The following GLYATL1 variants were observed in gnomAD, a reference collection of about 807,000 sequenced individuals.
The protein encoded by GLYATL1 is glycine-N-acyltransferase like 1.
A neutral mutation model predicts 20.0 loss-of-function variants in GLYATL1; 15 were observed. That is an observed-to-expected ratio of 0.75 (90% CI 0.50 to 1.15). The LOEUF (loss-of-function observed/expected upper bound fraction) is 1.15, where lower values mean the gene tolerates loss of function less well. GLYATL1 is among the 50% of genes most tolerant of loss of function. The pLI is 0.00. For synonymous variants in GLYATL1, 151 were observed against 131.5 expected, an observed-to-expected ratio of 1.15 and a Z score of -1.01; for missense variants, 380 against 368.5, an observed-to-expected ratio of 1.03 and a Z score of -0.26.
intron 1 of GLYATL1, among the ~76,000 whole-genome samples, chr11:58,919,142 T>G (rs1005286447): frequency 6.6e-6 from 1 of 152,258 alleles, no homozygotes; most frequent in Non-Finnish European, 1.5e-5. Flanking sequence ...CATTCTTTCC[T>G]GCACCCAGCC....
rs750380410 is a variant in GLYATL1, at chr11:58,955,734, C to A, written c.616C>A (p.Pro206Thr). ...HYIKRCIEDLPAACMLGPEGV... is the reference protein window; with the variant it reads ...HYIKRCIEDLTAACMLGPEGV... ...CATCAAGCGCTGCATAGAAGACCTG[C>A]CAGCAGCCTGTATGCTCGGCCCAGA... Residue 206 changes from proline (P) to threonine (T), a missense_variant, in exon 7 of 7, where the codon CCA (proline) becomes ACA (threonine). Physicochemically the swap from Pro to Thr is conservative, Grantham distance 38. Coordinates refer to ENST00000532726, the MANE Select transcript of GLYATL1 (RefSeq NM_001389712.2). The A allele has an allele frequency of 2.5e-6, 4 of 1,614,084 alleles. No homozygotes were observed. In the East Asian group the frequency reaches 8.9e-5, roughly 36 times the overall value.
chr11:58,955,544 G>T, intron 6 of GLYATL1, 66 bp from the exon 7 acceptor site: 1 of 1,518,866 alleles, frequency 6.6e-7, no homozygotes, highest in Non-Finnish European at 9.0e-7. Flanking sequence ...TCTCTAGATT[G>T]GGATGGCACC....
chr11:58,922,840 T>C (rs896379306), upstream of GLYATL1, among the ~76,000 whole-genome samples: 1 of 152,182 alleles, frequency 6.6e-6, no homozygotes, highest in Non-Finnish European at 1.5e-5. Flanking sequence ...ATAGGAGAAT[T>C]TGTCTGGATG....
chr11:58,905,714 ACCGGG>A, intron 1 of GLYATL1: 1 of 169,482 alleles, frequency 5.9e-6, no homozygotes, highest in Non-Finnish European at 1.2e-5. Context: ...GATCGCTGGG[ACCGGG>A]ATGGGTCATC....
chr11:58,919,741 G>A (rs917413160), intron 1 of GLYATL1, among the ~76,000 whole-genome samples: 7 of 152,166 alleles, frequency 4.6e-5, no homozygotes, highest in South Asian at 2.1e-4. Context: ...TTGAATTCCC[G>A]GGGTTCGGGT....
chr11:58,931,244 G>C (rs1855587739), intron 1 of GLYATL1, among the ~76,000 whole-genome samples: 1 of 152,094 alleles, frequency 6.6e-6, no homozygotes, highest in African/African-American at 2.4e-5. Flanking sequence ...CTCTGTGTCT[G>C]TCTCTATGTC....
rs975823102 is a variant in GLYATL1 at position 58,956,352 on chromosome 11, A to C, written c.*325A>C. 1 of 286,300 alleles carries C rather than the reference A, an allele frequency of 3.5e-6. No individual in the cohort carries two copies. Among genetic ancestry groups the C allele is most frequent in the Non-Finnish European group, 6.5e-6 (1 of 152,840 alleles). 17.7% of individuals were successfully genotyped at this position (286,300 alleles called of 1,614,324 possible). ...CTCTTTATGCAACTTGGTTAATAGAATCTACTATCTGGAAGATAAATGAAG... is the reference window on the plus strand; with the variant it reads ...CTCTTTATGCAACTTGGTTAATAGACTCTACTATCTGGAAGATAAATGAAG... On this transcript the variant is annotated 3_prime_UTR_variant, in exon 7 of 7. Coordinates refer to ENST00000532726, the MANE Select transcript of GLYATL1 (RefSeq NM_001389712.2).
intron 2 of GLYATL1, among the ~76,000 whole-genome samples, chr11:58,945,164 A>G (rs1017077985): frequency 6.6e-6 from 1 of 151,844 alleles, no homozygotes; most frequent in African/African-American, 2.4e-5. Context: ...GATAAGCACC[A>G]TGAATGTATA....
upstream of GLYATL1, among the ~76,000 whole-genome samples, chr11:58,937,719 T>C (rs1453703980): frequency 1.3e-5 from 2 of 152,198 alleles, no homozygotes; most frequent in East Asian, 3.9e-4. Flanking sequence ...AAGGCAACTC[T>C]CCTCAGATTC....
chr11:58,907,372 G>A (rs1565115120), exon 2 of GLYATL1: 1 of 456,124 alleles, frequency 2.2e-6, no homozygotes. Context: ...ATCCCTCACG[G>A]TAGTCTGCTG....
At position 58,947,037 on chromosome 11, in the gene GLYATL1, T is replaced by A. The variant is rs112396597; in HGVS notation, c.-42-9T>A. 1.9e-6 allele frequency: 3 copies of A among 1,603,250 alleles called. No individual in the cohort carries two copies. The highest frequency in any genetic ancestry group is 2.6e-6 in the Non-Finnish European group (3 of 1,170,102). On this transcript the variant is annotated splice_polypyrimidine_tract_variant and intron_variant, in intron 2 of 6. Coordinates refer to ENST00000532726, the MANE Select transcript of GLYATL1 (RefSeq NM_001389712.2). ...CTTAACATTTTCCCTTCATTTCTTA[T>A]CTTTTCAGAGTTTCTTCTTCAAGGT...
At chr11:58,932,913 T>C (rs1855665712) in intron 1 of GLYATL1, among the ~76,000 whole-genome samples, 1 of 152,256 alleles carries the variant, frequency 6.6e-6, no homozygotes, top group African/African-American at 2.4e-5. Flanking sequence ...TGTAGTGTGC[T>C]ATTTTTTAAG....
chr11:58,922,462 C>T (rs1826951010), intron 1 of GLYATL1, among the ~76,000 whole-genome samples: 1 of 152,118 alleles, frequency 6.6e-6, no homozygotes, highest in Non-Finnish European at 1.5e-5. Context: ...CCCTGAGAGG[C>T]ATTTGCATAA....
At chr11:58,911,625 C>T (rs1397908117), downstream of GLYATL1, among the ~76,000 whole-genome samples, 2 of 152,094 alleles carry the variant, frequency 1.3e-5, no homozygotes, top group African/African-American at 4.8e-5. Flanking sequence ...GGTGAAATGT[C>T]TATTAAAATA....
chr11:58,933,278 A>C (rs1855682966), intron 1 of GLYATL1, among the ~76,000 whole-genome samples: 1 of 152,170 alleles, frequency 6.6e-6, no homozygotes, highest in Admixed American at 6.5e-5. Flanking sequence ...TTGAGCAATA[A>C]ATATTTGAAA....
upstream of GLYATL1, among the ~76,000 whole-genome samples, chr11:58,925,224 C>T (rs1438853674): frequency 6.6e-6 from 1 of 152,142 alleles, no homozygotes; most frequent in Non-Finnish European, 1.5e-5. Context: ...ACTTGTGCTT[C>T]ATTTTAATGT....
chr11:58,940,731 A>G (rs1387986395), intron 1 of GLYATL1, among the ~76,000 whole-genome samples: 1 of 152,180 alleles, frequency 6.6e-6, no homozygotes, highest in East Asian at 1.9e-4. Context: ...TTGGCACAGA[A>G]GTTTATAAAG....
At chr11:58,950,259 C>A (rs1318331842) in intron 4 of GLYATL1, among the ~76,000 whole-genome samples, 1 of 151,574 alleles carries the variant, frequency 6.6e-6, no homozygotes, top group East Asian at 1.9e-4. Context: ...CCGCTGCACT[C>A]CAGCCTTGGG....
At chr11:58,942,179 G>A (rs1220166565) in intron 1 of GLYATL1, among the ~76,000 whole-genome samples, 1 of 152,178 alleles carries the variant, frequency 6.6e-6, no homozygotes, top group Non-Finnish European at 1.5e-5. Flanking sequence ...GTGTGTTGAA[G>A]CCAAGGAACC....
Sources: gnomAD v4.1 joint callset for allele counts (sites outside exome capture counted in the v4.1 genomes callset) on GRCh38, gnomAD v4.1.1 for gene constraint, MANE v1.5 for transcripts, NCBI Gene and HGNC (gene_info 2026-07-23, HGNC 2026-07-21) for gene names.